Variants in HAAO observed in about 807,000 individuals in gnomAD.
HAAO encodes the protein 3-hydroxyanthranilate 3,4-dioxygenase.
HAAO carries 49 observed loss-of-function variants against 46.2 expected under a neutral mutation model. That is an observed-to-expected ratio of 1.06 (90% CI 0.84 to 1.34). HAAO has a LOEUF of 1.34. HAAO is among the 40% of genes most tolerant of loss of function. HAAO has a pLI of 0.00. For missense variants in HAAO, 408 were observed against 364.5 expected (o/e 1.12, Z -0.97); for synonymous variants, 157 against 145.2 (o/e 1.08, Z -0.58).
chr2:42,782,302 A>C (rs1448725527), intron 4 of HAAO, among the ~76,000 whole-genome samples: 1 of 152,102 alleles, frequency 6.6e-6, no homozygotes, highest in Non-Finnish European at 1.5e-5. Context: ...TGATGTGTGA[A>C]CTTCAGAGTA....
intron 6 of HAAO, 117 bp from the exon 7 acceptor site, chr2:42,769,975 T>C: frequency 8.1e-7 from 1 of 1,233,294 alleles, no homozygotes. Flanking sequence ...TGTATCCAGC[T>C]CAATGATCAA....
chr2:42,776,506 G>A (rs1393923969), intron 4 of HAAO, among the ~76,000 whole-genome samples: 1 of 151,844 alleles, frequency 6.6e-6, no homozygotes, highest in African/African-American at 2.4e-5. Context: ...CCAAAGTGCT[G>A]GGATTATAGG....
rs749902240 is a variant in HAAO, at chr2:42,792,557, C to T, written c.-21G>A. The T allele has an allele frequency of 1.8e-5, 28 of 1,527,482 alleles. No homozygotes were observed. The East Asian group carries it at 3.4e-4, about 18-fold the overall frequency. 94.6% of individuals were successfully genotyped at this position (1,527,482 alleles called of 1,614,324 possible). A position where few individuals can be genotyped will look rare whatever the true frequency, so the allele number is the denominator to read the frequency against. ...TCCATGACTGTCCCGGGCGCCTCCT[C>T]GCAGCGCTGTCCTCCCGCCGTCGGA... On this transcript the variant is annotated 5_prime_UTR_variant, in exon 1 of 10. Transcript: ENST00000294973.
chr2:42,783,388 T>G lies in HAAO; in HGVS notation c.276A>C (p.Ser92=), dbSNP rs1274487131. ...IFLLPARVPH[S]PQRFANTVGL... is the part of the protein sequence containing the mutation. ...CCACGGTGTTGGCAAACCTCTGTGG[T>G]GAGTGGGGCACCCTGGCAGGCAGGA... is the stretch of plus-strand genomic sequence containing the variant. Residue 92 remains serine, a synonymous_variant, in exon 4 of 10, where the codon TCA becomes TCC. Transcript: ENST00000294973. 1.2e-6 allele frequency: 2 copies of G among 1,612,870 alleles called. No individual in the cohort carries two copies. Among genetic ancestry groups the G allele is most frequent in the Non-Finnish European group, 1.7e-6 (2 of 1,179,236 alleles).
intron 7 of HAAO, among the ~76,000 whole-genome samples, chr2:42,768,211 G>A (rs915151045): frequency 6.6e-6 from 1 of 152,098 alleles, no homozygotes; most frequent in Non-Finnish European, 1.5e-5. Flanking sequence ...GCGAAGGCAT[G>A]CTCACCAGGG....
At chr2:42,770,275 G>A (rs1355376031) in intron 5 of HAAO, 89 bp from the exon 6 acceptor site, 2 of 1,143,186 alleles carry the variant, frequency 1.7e-6, no homozygotes, top group East Asian at 2.6e-5. Context: ...TCACGGTCAG[G>A]TGCAGGTGCC....
At chr2:42,782,588 C>A (rs1249246289) in intron 4 of HAAO, among the ~76,000 whole-genome samples, 3 of 152,160 alleles carry the variant, frequency 2.0e-5, no homozygotes, top group Non-Finnish European at 4.4e-5. Context: ...ATATCTTGGG[C>A]CCCCAAAATC....
chr2:42,788,451 G>A (rs1672551036), intron 2 of HAAO, 78 bp downstream of exon 2: 4 of 891,914 alleles, frequency 4.5e-6, no homozygotes, highest in South Asian at 1.3e-5. Flanking sequence ...TCTGGGCCTC[G>A]AGTGGGAAGC....
chr2:42,769,569 A>ATGTGTG lies in HAAO; in HGVS notation c.630+138_630+143dup, dbSNP rs35746707. On this transcript the variant is annotated intron_variant, in intron 7 of 9. Transcript: ENST00000294973. ...TATGCTCATGTCTACAACCTCTGAA[A>ATGTGTG]TGTGTGTGTGTGTGTGTGTGTGTGT... is the stretch of plus-strand genomic sequence containing the variant. 1,278 of 588,406 alleles carry ATGTGTG rather than the reference A, an allele frequency of 2.2e-3. 1 individual carries two copies. Among genetic ancestry groups the ATGTGTG allele is most frequent in the Admixed American group, 2.7e-3 (79 of 29,760 alleles). The allele number at this position is 588,406 out of a possible 1,614,324, so 36.4% of individuals were successfully genotyped here. A position where few individuals can be genotyped will look rare whatever the true frequency, so the allele number is the denominator to read the frequency against.
At chr2:42,776,206 A>G (rs1324591066) in intron 4 of HAAO, among the ~76,000 whole-genome samples, 4 of 134,540 alleles carry the variant, frequency 3.0e-5, no homozygotes, top group Non-Finnish European at 6.3e-5. Context: ...GATTTCTGTA[A>G]TTTTATGTTT....
chr2:42,771,045 G>A (rs1336629709), intron 4 of HAAO, among the ~76,000 whole-genome samples: 1 of 152,150 alleles, frequency 6.6e-6, no homozygotes, highest in Admixed American at 6.5e-5. Flanking sequence ...ACGCTCTGCT[G>A]GCCTGCAGTG....
At chr2:42,781,654 C>T (rs1246304873) in intron 4 of HAAO, among the ~76,000 whole-genome samples, 2 of 152,156 alleles carry the variant, frequency 1.3e-5, no homozygotes, top group Admixed American at 6.5e-5. Context: ...AGATGGGTCA[C>T]CTGAGGTCAG....
At chr2:42,778,950 C>G (rs1671789499) in intron 4 of HAAO, among the ~76,000 whole-genome samples, 1 of 151,956 alleles carries the variant, frequency 6.6e-6, no homozygotes, top group Non-Finnish European at 1.5e-5. Context: ...CTTGTCTCTA[C>G]TAGAAATACA....
chr2:42,788,375 C>T (rs181574025), intron 2 of HAAO, among the ~76,000 whole-genome samples, 154 bp downstream of exon 2: 2 of 151,564 alleles, frequency 1.3e-5, no homozygotes, highest in Non-Finnish European at 2.9e-5. Flanking sequence ...GCAGTCGTGC[C>T]CTGTGATTTC....
At chr2:42,778,808 G>C (rs115326235) in intron 4 of HAAO, among the ~76,000 whole-genome samples, 2,044 of 151,856 alleles carry the variant, frequency 0.013, 49 homozygotes, top group African/African-American at 0.046. Context: ...AATTTTGAGA[G>C]ATAAAATAAG....
intron 8 of HAAO, 33 bp downstream of exon 8, chr2:42,767,827 G>A (rs1670783060): frequency 1.2e-6 from 2 of 1,605,280 alleles, no homozygotes; most frequent in Non-Finnish European, 1.7e-6. Context: ...TCTGGCAGGG[G>A]GTTCTGCAAC....
At position 42,792,486 on chromosome 2, in the gene HAAO, G is replaced by T; in HGVS notation, c.51C>A (p.Ser17=). The change falls in exon 1 of 10, where the codon TCC becomes TCA. Residue 17 remains serine, a synonymous_variant. Transcript: ENST00000294973. ...GCTTGTTGCAGACCGGGGGCTGGAA[G>T]GAGCCCCGGTTCTCCTTCACCCAGG... The part of the protein sequence containing the change: ...VRAWVKENRG[S]FQPPVCNKLM... 6.3e-7 allele frequency: 1 copy of T among 1,591,660 alleles called. No individual in the cohort carries two copies. Among genetic ancestry groups the T allele is most frequent in the African/African-American group, 1.4e-5 (1 of 73,020 alleles).
At chr2:42,783,941 A>G in intron 2 of HAAO, 74 bp from the exon 3 acceptor site, 1 of 1,551,176 alleles carries the variant, frequency 6.4e-7, no homozygotes, top group Non-Finnish European at 8.7e-7. Flanking sequence ...CAGGCCCTGA[A>G]TTCTGACCGG....
chr2:42,791,566 G>A (rs561649232), intron 1 of HAAO, among the ~76,000 whole-genome samples: 5 of 152,238 alleles, frequency 3.3e-5, no homozygotes, highest in Non-Finnish European at 7.3e-5. Flanking sequence ...GGAGCCTATC[G>A]CACAGGCGCT....
Sources: allele counts gnomAD v4.1 joint callset (sites outside exome capture counted in the v4.1 genomes callset), GRCh38; gene constraint gnomAD v4.1.1; transcripts MANE v1.5; gene names NCBI Gene and HGNC (gene_info 2026-07-23, HGNC 2026-07-21).